CEP43: variants seen among roughly 807,000 people sequenced by gnomAD.
CEP43 encodes centrosomal protein 43, also known as FGFR1 oncogene partner.
CEP43 carries 36 observed loss-of-function variants against 52.6 expected under a neutral mutation model. The observed-to-expected ratio is 0.68, with a 90% confidence interval of 0.52 to 0.90. CEP43 has a LOEUF of 0.90. CEP43 is among the 40% of genes least tolerant of loss of function. The pLI is 0.00. For missense variants in CEP43, 506 were observed against 472.8 expected (o/e 1.07, Z -0.65); for synonymous variants, 192 against 172.4 (o/e 1.11, Z -0.89).
chr6:167,033,840 A>G, intron 11 of CEP43, 35 bp from the exon 12 acceptor site: 2 of 1,018,808 alleles, frequency 2.0e-6, no homozygotes, highest in Non-Finnish European at 3.0e-6. Context: ...GTTTATTTTC[A>G]GAGTTCTTAT....
In CEP43 at chr6:167,040,414, T is replaced by C. The variant is rs534304011; in HGVS notation, c.*436T>C. ...TTACCCACCATAGTATATTTTGATA[T>C]TAGGTGGTTCTACACATAGTTGGCA... is the stretch of plus-strand genomic sequence containing the variant. On this transcript the variant is annotated 3_prime_UTR_variant, in exon 13 of 13. Transcript: ENST00000366847. 8 of 1,288,914 alleles carry C rather than the reference T, an allele frequency of 6.2e-6. No individual in the cohort carries two copies. The South Asian group carries it at 7.5e-5, about 12-fold the overall frequency. 79.8% of individuals were successfully genotyped at this position (1,288,914 alleles called of 1,614,324 possible).
intron 7 of CEP43, among the ~76,000 whole-genome samples, chr6:167,015,009 A>T (rs1191408698): frequency 6.6e-6 from 1 of 152,214 alleles, no homozygotes; most frequent in Non-Finnish European, 1.5e-5. Flanking sequence ...ATTTTCAAGA[A>T]GTTTATACAT....
chr6:167,008,897 G>T (rs1779915283), intron 5 of CEP43, among the ~76,000 whole-genome samples: 2 of 152,186 alleles, frequency 1.3e-5, no homozygotes, highest in Non-Finnish European at 2.9e-5. Flanking sequence ...TAGCAGACTA[G>T]AAAGAAGTGA....
rs1780847024 is a variant in CEP43 at position 167,049,917 on chromosome 6, A to T, written c.*9939A>T. On this transcript the variant is annotated 3_prime_UTR_variant, in exon 13 of 13. Coordinates refer to ENST00000366847, the MANE Select transcript of CEP43 (RefSeq NM_007045.4). ...AGATATAGACATTCTGGCAGGTGTG[A>T]CATTGTATCTCTTGTGGTTTAGATT... The T allele has an allele frequency of 6.6e-6, 1 of 152,176 alleles. No homozygotes were observed. Among genetic ancestry groups the T allele is most frequent in the South Asian group, 2.1e-4 (1 of 4,828 alleles). 9.4% of individuals were successfully genotyped at this position (152,176 alleles called of 1,614,324 possible).
At position 167,026,626 on chromosome 6, in the gene CEP43, T is replaced by G; in HGVS notation, c.988+11T>G. ...GATCACTTGGATTAGGTAATTAGAT[T>G]TCTAGTTTTTGTGCTGATCGTTTTA... On this transcript the variant is annotated intron_variant, in intron 10 of 12. Coordinates refer to ENST00000366847, the MANE Select transcript of CEP43 (RefSeq NM_007045.4). 1.3e-6 allele frequency: 2 copies of G among 1,533,360 alleles called. No homozygotes were observed. Among genetic ancestry groups the G allele is most frequent in the African/African-American group, 1.4e-5 (1 of 73,422 alleles). The allele number at this position is 1,533,360 out of a possible 1,614,324, so 95.0% of individuals were successfully genotyped here. A position where few individuals can be genotyped will look rare whatever the true frequency, so the allele number is the denominator to read the frequency against.
At chr6:167,035,081 C>T (rs1780555453) in intron 12 of CEP43, among the ~76,000 whole-genome samples, 1 of 152,136 alleles carries the variant, frequency 6.6e-6, no homozygotes, top group Admixed American at 6.5e-5. Context: ...GGTGTGGCAT[C>T]CCTTTGCCAT....
At position 167,040,317 on chromosome 6, in the gene CEP43, A is replaced by G. The variant is rs1780669772; in HGVS notation, c.*339A>G. 16 of 1,431,334 alleles carry G rather than the reference A, an allele frequency of 1.1e-5. No homozygotes were observed. The highest frequency in any genetic ancestry group is 3.0e-5 in the South Asian group (2 of 65,882). 88.7% of individuals were successfully genotyped at this position (1,431,334 alleles called of 1,614,324 possible). A position where few individuals can be genotyped will look rare whatever the true frequency, so the allele number is the denominator to read the frequency against. ...GTCAATAAAGCCGTAGGATCGCGCA[A>G]CCCTTTGTGTGTGTGGCTGCTGGTA... On this transcript the variant is annotated 3_prime_UTR_variant, in exon 13 of 13. Coordinates refer to ENST00000366847, the MANE Select transcript of CEP43 (RefSeq NM_007045.4).
At chr6:167,004,609 G>A (rs1404161894) in intron 5 of CEP43, among the ~76,000 whole-genome samples, 4 of 72,400 alleles carry the variant, frequency 5.5e-5, no homozygotes, top group Non-Finnish European at 1.1e-4. Context: ...TATCTGTTCT[G>A]GTTTTTGATC....
intron 8 of CEP43, 43 bp downstream of exon 8, chr6:167,022,678 A>T: frequency 8.3e-7 from 1 of 1,207,278 alleles, no homozygotes; most frequent in Non-Finnish European, 1.2e-6. Context: ...GGGTTTAAAA[A>T]TAAGATAAAT....
In CEP43 at chr6:167,042,005, G is replaced by A. The variant is rs1780709996; in HGVS notation, c.*2027G>A. The A allele has an allele frequency of 4.5e-6, 2 of 442,564 alleles. No homozygotes were observed. Among genetic ancestry groups the A allele is most frequent in the African/African-American group, 2.2e-5 (1 of 46,232 alleles). 27.4% of individuals were successfully genotyped at this position (442,564 alleles called of 1,614,324 possible). A position where few individuals can be genotyped will look rare whatever the true frequency, so the allele number is the denominator to read the frequency against. On this transcript the variant is annotated 3_prime_UTR_variant, in exon 13 of 13. Coordinates refer to ENST00000366847, the MANE Select transcript of CEP43 (RefSeq NM_007045.4). ...CGCCCGGCTAATTTTTGTATTTTTA[G>A]TAGAGATGGGGTTTCACCATGTTGG...
At chr6:167,022,683 A>G (rs764444422) in intron 8 of CEP43, 48 bp downstream of exon 8, 1 of 1,186,862 alleles carries the variant, frequency 8.4e-7, no homozygotes, top group Non-Finnish European at 1.2e-6. Flanking sequence ...TAAAAATAAG[A>G]TAAATGTTTT....
At chr6:167,037,242 G>T (rs1048612106) in intron 12 of CEP43, among the ~76,000 whole-genome samples, 5 of 152,158 alleles carry the variant, frequency 3.3e-5, no homozygotes, top group African/African-American at 1.2e-4. Context: ...TTGCCTTAAA[G>T]CAAAACTAAA....
chr6:167,015,623 C>T (rs1187906205), intron 7 of CEP43, among the ~76,000 whole-genome samples: 1 of 152,204 alleles, frequency 6.6e-6, no homozygotes, highest in East Asian at 1.9e-4. Context: ...GGTACCGCTG[C>T]TCCCGGAGCT....
intron 10 of CEP43, among the ~76,000 whole-genome samples, chr6:167,027,180 G>C (rs1780373950): frequency 6.6e-6 from 1 of 152,206 alleles, no homozygotes; most frequent in Non-Finnish European, 1.5e-5. Flanking sequence ...GTTCAGTTCT[G>C]TTCTATGGAG....
intron 7 of CEP43, among the ~76,000 whole-genome samples, chr6:167,019,954 A>G (rs1421125957): frequency 9.2e-5 from 14 of 152,220 alleles, no homozygotes; most frequent in Non-Finnish European, 7.3e-5. Context: ...ATGAGTGTTT[A>G]GAAGGAGAGA....
At chr6:167,017,581 AAATT>A (rs1474536153) in intron 7 of CEP43, among the ~76,000 whole-genome samples, 2 of 151,870 alleles carry the variant, frequency 1.3e-5, no homozygotes, top group African/African-American at 4.8e-5. Flanking sequence ...GTTTGGAAAA[AAATT>A]CTTTTTTTTT....
At chr6:167,011,103 A>G (rs1779974741) in intron 6 of CEP43, among the ~76,000 whole-genome samples, 1 of 152,210 alleles carries the variant, frequency 6.6e-6, no homozygotes, top group Admixed American at 6.5e-5. Context: ...GTATTGTAGA[A>G]AGGAATGTGC....
rs1780760440 is a variant in CEP43 at position 167,044,372 on chromosome 6, C to G, written c.*4394C>G. ...TGGGATGACTCAAAATCAGTAAGCT[C>G]AAAGGCAATTTCAAAGAAATCTTTA... is the stretch of plus-strand genomic sequence containing the variant. On this transcript the variant is annotated 3_prime_UTR_variant, in exon 13 of 13. Transcript: ENST00000366847. 4.1e-6 allele frequency: 4 copies of G among 984,768 alleles called. No homozygotes were observed. The Admixed American group carries it at 1.8e-4, about 45-fold the overall frequency. 61.0% of individuals were successfully genotyped at this position (984,768 alleles called of 1,614,324 possible).
intron 7 of CEP43, among the ~76,000 whole-genome samples, chr6:167,015,812 G>T (rs1034283012): frequency 8.0e-6 from 1 of 125,684 alleles, no homozygotes; most frequent in African/African-American, 2.8e-5. Context: ...TAGGGTTTTT[G>T]AACTGATGTA....
Sources: allele counts gnomAD v4.1 joint callset (sites outside exome capture counted in the v4.1 genomes callset), GRCh38; gene constraint gnomAD v4.1.1; transcripts MANE v1.5; gene names NCBI Gene and HGNC (gene_info 2026-07-23, HGNC 2026-07-21).